GNS: variants seen among roughly 807,000 people sequenced by gnomAD.
The protein encoded by GNS is N-acetylglucosamine-6-sulfatase.
A neutral mutation model predicts 69.7 loss-of-function variants in GNS; 40 were observed. The ratio of observed to expected loss-of-function variants is 0.57; its 90% CI spans 0.45 to 0.75. The LOEUF is 0.75. GNS is among the 30% of genes least tolerant of loss of function. GNS has a pLI of 0.00. For missense variants in GNS, 565 were observed against 685.5 expected (o/e 0.82, Z 1.96); for synonymous variants, 243 against 251.6 (o/e 0.97, Z 0.32).
In GNS at chr12:64,732,915, T is replaced by C. The variant is rs1317514339; in HGVS notation, c.1099-3858A>G. Among the ~76,000 whole-genome samples the C allele has an allele frequency of 3.3e-5, 5 of 152,204 alleles. No homozygotes were observed. In the South Asian group the frequency reaches 6.2e-4, roughly 19 times the overall value. On this transcript the variant is annotated intron_variant, in intron 9 of 13. Transcript: ENST00000258145. ...TGCCCAGACAAAAAAATAAATTATT[T>C]GATAAATCACTTTCTCAGGTTGAGA...
At chr12:64,740,716 ACAC>A (rs1263531261) in intron 6 of GNS, 28 bp from the exon 7 acceptor site, 1 of 1,047,040 alleles carries the variant, frequency 9.6e-7, no homozygotes, top group South Asian at 1.3e-5. Flanking sequence ...AAAAATGTTA[ACAC>A]CAAGTCACCA....
chr12:64,732,807 G>C (rs1279134390), intron 9 of GNS, among the ~76,000 whole-genome samples: 2 of 151,920 alleles, frequency 1.3e-5, no homozygotes, highest in Non-Finnish European at 2.9e-5. Flanking sequence ...ATGTTGGCCA[G>C]GCTGGTTTCA....
intron 8 of GNS, 23 bp from the exon 9 acceptor site, chr12:64,737,130 A>G: frequency 8.4e-7 from 1 of 1,192,640 alleles, no homozygotes; most frequent in Middle Eastern, 1.9e-4. Context: ...CACACAATGT[A>G]AAGATGGAGC....
At chr12:64,730,375 A>T (rs1592496936) in intron 9 of GNS, among the ~76,000 whole-genome samples, 1 of 148,764 alleles carries the variant, frequency 6.7e-6, no homozygotes, top group Admixed American at 6.8e-5. Flanking sequence ...CAAAACAAAA[A>T]CACCCCAGCC....
chr12:64,747,153 C>A (rs1304042102), intron 3 of GNS, among the ~76,000 whole-genome samples: 2 of 152,194 alleles, frequency 1.3e-5, no homozygotes, highest in Non-Finnish European at 2.9e-5. Context: ...GGCTGGTGTA[C>A]CAGCTGCTGG....
rs762826979 is a variant in GNS, at chr12:64,747,702, T to C, written c.459+10A>G. On this transcript the variant is annotated intron_variant, in intron 3 of 13. Coordinates refer to ENST00000258145, the MANE Select transcript of GNS (RefSeq NM_002076.4). ...CCATTATAAAAAAAGAAACAGATCA[T>C]TCAACATACCTCATTTAAATATTTC... 1.4e-6 allele frequency: 2 copies of C among 1,417,874 alleles called. No individual in the cohort carries two copies. The highest frequency in any genetic ancestry group is 1.1e-5 in the South Asian group (1 of 87,078). 87.8% of individuals were successfully genotyped at this position (1,417,874 alleles called of 1,614,324 possible).
rs1472889739 is a variant in GNS, at chr12:64,738,034, G to C, written c.995-927C>G. ...CATCTTTTTTTTTTTTTTTGAGATG[G>C]AGTCTCGCTCTGTCACCCACACTGG... is the stretch of plus-strand genomic sequence containing the variant. On this transcript the variant is annotated intron_variant, in intron 8 of 13. Transcript: ENST00000258145. Among the ~76,000 whole-genome samples the C allele has an allele frequency of 2.0e-5, 3 of 150,850 alleles. No individual in the cohort carries two copies. The East Asian group carries it at 5.8e-4, about 29-fold the overall frequency.
intron 10 of GNS, among the ~76,000 whole-genome samples, chr12:64,727,934 ATTTAT>A (rs888201261): frequency 6.6e-6 from 1 of 152,140 alleles, no homozygotes; most frequent in Non-Finnish European, 1.5e-5. Context: ...TGATTTATTT[ATTTAT>A]TTTGAGATGG....
chr12:64,728,912 T>C, intron 10 of GNS, 44 bp downstream of exon 10: 1 of 876,940 alleles, frequency 1.1e-6, no homozygotes, highest in South Asian at 1.3e-5. Context: ...ACCCAGAATT[T>C]ATTGCGGTCT....
chr12:64,744,619 C>T (rs1869843571), intron 5 of GNS, among the ~76,000 whole-genome samples, 190 bp downstream of exon 5: 1 of 152,146 alleles, frequency 6.6e-6, no homozygotes, highest in African/African-American at 2.4e-5. Context: ...CTGAGCCTGG[C>T]TTATACACAA....
At chr12:64,751,603 T>A (rs1340582037) in intron 2 of GNS, among the ~76,000 whole-genome samples, 3 of 152,224 alleles carry the variant, frequency 2.0e-5, no homozygotes, top group Non-Finnish European at 4.4e-5. Context: ...TCGTATCTAT[T>A]GGGAAGAACA....
At chr12:64,756,857 T>C (rs927495248) in intron 1 of GNS, 10 of 651,458 alleles carry the variant, frequency 1.5e-5, no homozygotes, top group Admixed American at 2.7e-5. Context: ...GAAACACTTA[T>C]TAAAAAAAAG....
At chr12:64,745,218 T>C (rs868865081) in intron 4 of GNS, among the ~76,000 whole-genome samples, 8 of 143,400 alleles carry the variant, frequency 5.6e-5, no homozygotes, top group African/African-American at 1.8e-4. Flanking sequence ...TTTTTTTTTT[T>C]TTTTTTTTTT....
chr12:64,744,735 T>C (rs1869846800), intron 5 of GNS, 74 bp downstream of exon 5: 3 of 795,326 alleles, frequency 3.8e-6, no homozygotes, highest in Admixed American at 1.7e-5. Context: ...AGATTATAGG[T>C]TTTCTAGGCA....
chr12:64,743,521 C>T (rs1869811236), intron 5 of GNS, among the ~76,000 whole-genome samples: 1 of 152,182 alleles, frequency 6.6e-6, no homozygotes, highest in African/African-American at 2.4e-5. Context: ...AGCATACCAA[C>T]ATAAGAAGGC....
rs1290374156 is a variant in GNS at position 64,759,359 on chromosome 12, C to G, written c.-83G>C. 3.4e-5 allele frequency: 32 copies of G among 949,722 alleles called. No homozygotes were observed. The highest frequency in any genetic ancestry group is 4.9e-5 in the Non-Finnish European group (32 of 656,568). 58.8% of individuals were successfully genotyped at this position (949,722 alleles called of 1,614,324 possible). On this transcript the variant is annotated 5_prime_UTR_variant, in exon 1 of 14. Coordinates refer to ENST00000258145, the MANE Select transcript of GNS (RefSeq NM_002076.4). ...GCTGAAGGGCGAGAGGCCGACCAGC[C>G]GAAGGAATAAAAAGCCGTGCCTTGA... is the stretch of plus-strand genomic sequence containing the variant.
In GNS at chr12:64,714,456, C is replaced by G. The variant is rs2136234418; in HGVS notation, c.*2285G>C. The stretch of plus-strand genomic sequence containing the variant: ...AGTCTGTTACGCTATAAACTGAGGT[C>G]TCTTTATGAAAGATTATTTTAGCAC... On this transcript the variant is annotated 3_prime_UTR_variant, in exon 14 of 14. Transcript: ENST00000258145. 6.6e-6 allele frequency: 1 copy of G among 152,264 alleles called. No homozygotes were observed. Among genetic ancestry groups the G allele is most frequent in the Middle Eastern group, 3.4e-3 (1 of 294 alleles). 9.4% of individuals were successfully genotyped at this position (152,264 alleles called of 1,614,324 possible).
chr12:64,731,493 T>C (rs1869388561), intron 9 of GNS, among the ~76,000 whole-genome samples: 1 of 152,214 alleles, frequency 6.6e-6, no homozygotes, highest in Non-Finnish European at 1.5e-5. Flanking sequence ...CCAGGACTCC[T>C]TCTCCCTAGA....
chr12:64,730,489 T>C (rs1869354523), intron 9 of GNS, among the ~76,000 whole-genome samples: 1 of 147,374 alleles, frequency 6.8e-6, no homozygotes, highest in Non-Finnish European at 1.5e-5. Flanking sequence ...CCAGGTTTCC[T>C]GATGGCCAGG....
Sources: allele counts gnomAD v4.1 joint callset (sites outside exome capture counted in the v4.1 genomes callset), GRCh38; gene constraint gnomAD v4.1.1; transcripts MANE v1.5; gene names NCBI Gene and HGNC (gene_info 2026-07-23, HGNC 2026-07-21).